HTR4: variants seen among roughly 807,000 people sequenced by gnomAD.
HTR4 encodes the protein 5-hydroxytryptamine receptor 4, also known as 5-hydroxytryptamine (serotonin) receptor 4, G protein-coupled.
Under a neutral mutation model 36.8 loss-of-function variants are expected in HTR4, and 16 were observed. The observed-to-expected ratio is 0.43, with a 90% CI of 0.29 to 0.66. The LOEUF (loss-of-function observed/expected upper bound fraction) is 0.66, where lower values mean the gene tolerates loss of function less well. Among genes scored for constraint, HTR4 ranks in the 30% least tolerant of loss-of-function variants. HTR4 has a pLI of 0.13. For missense variants in HTR4, 438 were observed against 490.9 expected, an observed-to-expected ratio of 0.89 and a Z score of 1.02; for synonymous variants, 189 against 185.1, an observed-to-expected ratio of 1.02 and a Z score of -0.17.
intron 2 of HTR4, among the ~76,000 whole-genome samples, chr5:148,582,769 T>A (rs1161682217): frequency 6.6e-6 from 1 of 152,202 alleles, no homozygotes; most frequent in Non-Finnish European, 1.5e-5. Flanking sequence ...ACTTGTGATT[T>A]TTGTACGTTG....
chr5:148,650,108 G>A (rs968118026), intron 1 of HTR4, among the ~76,000 whole-genome samples: 1 of 152,054 alleles, frequency 6.6e-6, no homozygotes, highest in African/African-American at 2.4e-5. Context: ...TATGCAATGT[G>A]TAATAATCAC....
At chr5:148,640,834 C>G (rs976409434) in intron 1 of HTR4, among the ~76,000 whole-genome samples, 2 of 152,204 alleles carry the variant, frequency 1.3e-5, no homozygotes, top group African/African-American at 4.8e-5. Context: ...ATCATTAAAA[C>G]TGCATGTGAA....
At chr5:148,626,262 T>C (rs1420474418) in intron 2 of HTR4, among the ~76,000 whole-genome samples, 1 of 152,246 alleles carries the variant, frequency 6.6e-6, no homozygotes, top group African/African-American at 2.4e-5. Flanking sequence ...ATGATAAAAT[T>C]CAGTTCAATT....
At chr5:148,651,448 G>A (rs1162811302) in intron 1 of HTR4, among the ~76,000 whole-genome samples, 1 of 152,124 alleles carries the variant, frequency 6.6e-6, no homozygotes, top group Non-Finnish European at 1.5e-5. Context: ...TACAGCAGTG[G>A]TTTTCAACTG....
chr5:148,613,707 A>G (rs1341661091), intron 2 of HTR4, among the ~76,000 whole-genome samples: 2 of 149,090 alleles, frequency 1.3e-5, no homozygotes, highest in African/African-American at 4.9e-5. Flanking sequence ...AAGGAAATAA[A>G]GGGTATTCAA....
rs559629605 is a variant in HTR4, at chr5:148,524,633, GC to G, written c.354-1288del. Among the ~76,000 whole-genome samples, 196 of 152,234 alleles carry G rather than the reference GC, an allele frequency of 1.3e-3. 3 individuals carry two copies. Among genetic ancestry groups the G allele is most frequent in the African/African-American group, 4.6e-3 (192 of 41,548 alleles). ...CATGGAATTTCACAACAGGCAGAAT[GC>G]TACAGTAGATCTATCATTCATTTCT... On this transcript the variant is annotated intron_variant, in intron 4 of 6. Transcript: ENST00000377888.
intron 2 of HTR4, among the ~76,000 whole-genome samples, chr5:148,595,739 T>C (rs997195216): frequency 1.8e-4 from 28 of 152,320 alleles, no homozygotes; most frequent in African/African-American, 6.5e-4. Flanking sequence ...ATTTATCCTT[T>C]CCTTTTTCTT....
intron 1 of HTR4, among the ~76,000 whole-genome samples, chr5:148,642,961 G>A (rs901262140): frequency 2.0e-5 from 3 of 151,524 alleles, no homozygotes; most frequent in African/African-American, 7.3e-5. Context: ...GTGTACAAAC[G>A]ATTTAAAAAA....
chr5:148,451,183 A>T (rs1473735722), exon 6 of HTR4: 1 of 1,613,772 alleles, frequency 6.2e-7, no homozygotes, highest in East Asian at 2.2e-5. Context: ...CCATGTCCTC[A>T]ATCAGAAGCA....
intron 5 of HTR4, among the ~76,000 whole-genome samples, chr5:148,452,037 A>G (rs903941856): frequency 4.6e-5 from 7 of 152,246 alleles, no homozygotes; most frequent in African/African-American, 1.4e-4. Context: ...TGAGACAAAC[A>G]AACAAATACC....
intron 5 of HTR4, among the ~76,000 whole-genome samples, chr5:148,513,317 C>CCATACAGAAAAA (rs2113778541): frequency 6.6e-6 from 1 of 152,212 alleles, no homozygotes; most frequent in Admixed American, 6.5e-5. Flanking sequence ...CTTCTACCCA[C>CCATACAGAAAAA]CAGAAATTAG....
At chr5:148,546,811 A>G (rs1759405024) in intron 4 of HTR4, among the ~76,000 whole-genome samples, 1 of 152,192 alleles carries the variant, frequency 6.6e-6, no homozygotes, top group African/African-American at 2.4e-5. Context: ...CAGGATTTCC[A>G]TAGATTTTCT....
chr5:148,508,313 C>T (rs1430053771), intron 6 of HTR4, among the ~76,000 whole-genome samples: 1 of 152,138 alleles, frequency 6.6e-6, no homozygotes, highest in African/African-American at 2.4e-5. Flanking sequence ...TCCTGTTTTG[C>T]TACAGGATGA....
At chr5:148,520,862 T>C (rs1282760544) in intron 5 of HTR4, 3 of 1,366,602 alleles carry the variant, frequency 2.2e-6, no homozygotes, top group Non-Finnish European at 2.9e-6. Flanking sequence ...ACACTTCTAA[T>C]TCACTCTTCT....
chr5:148,625,504 T>C (rs115069040), intron 2 of HTR4, among the ~76,000 whole-genome samples: 291 of 152,342 alleles, frequency 1.9e-3, no homozygotes, highest in African/African-American at 6.4e-3. Context: ...TTCCCCACTC[T>C]TAATTAGAAG....
intron 2 of HTR4, among the ~76,000 whole-genome samples, chr5:148,628,089 T>A (rs1278992972): frequency 6.6e-6 from 1 of 152,192 alleles, no homozygotes; most frequent in East Asian, 1.9e-4. Flanking sequence ...CCTAAAAGGA[T>A]TTTAATCCAT....
chr5:148,535,557 GCTGA>G (rs1249577174), intron 4 of HTR4, among the ~76,000 whole-genome samples: 1 of 152,176 alleles, frequency 6.6e-6, no homozygotes, highest in Non-Finnish European at 1.5e-5. Context: ...ATCTGACAGA[GCTGA>G]CTAACACAAC....
chr5:148,598,160 C>A (rs959863545), intron 2 of HTR4, among the ~76,000 whole-genome samples: 1 of 151,892 alleles, frequency 6.6e-6, no homozygotes, highest in Admixed American at 6.6e-5. Context: ...ACAGGAGAGT[C>A]AGAAGAAATG....
intron 1 of HTR4, among the ~76,000 whole-genome samples, chr5:148,643,948 A>G (rs1394145513): frequency 6.6e-6 from 1 of 152,178 alleles, no homozygotes; most frequent in African/African-American, 2.4e-5. Context: ...CAGGAATGCA[A>G]TGAGAACAGA....
Sources: gnomAD v4.1 joint callset for allele counts (sites outside exome capture counted in the v4.1 genomes callset) on GRCh38, gnomAD v4.1.1 for gene constraint, MANE v1.5 for transcripts, NCBI Gene and HGNC (gene_info 2026-07-23, HGNC 2026-07-21) for gene names.